CACNA1I: variants seen among roughly 807,000 people sequenced by gnomAD.
CACNA1I encodes calcium voltage-gated channel subunit alpha1 I.
Under a neutral mutation model 201.6 loss-of-function variants are expected in CACNA1I, and 74 were observed. The observed-to-expected ratio is 0.37, with a 90% CI of 0.30 to 0.45. CACNA1I has a LOEUF of 0.45. Ranked by LOEUF, CACNA1I falls within the 20% of genes least tolerant of loss-of-function variation. The pLI, the probability that CACNA1I is intolerant of heterozygous loss-of-function variation, is 1.00. For synonymous variants in CACNA1I, 1,431 were observed against 1,345.2 expected, an observed-to-expected ratio of 1.06 and a Z score of -1.40; for missense variants, 2,346 against 3,138.1, an observed-to-expected ratio of 0.75 and a Z score of 6.03.
At chr22:39,621,775 G>T (rs888911500) in intron 4 of CACNA1I, among the ~76,000 whole-genome samples, 1 of 152,038 alleles carries the variant, frequency 6.6e-6, no homozygotes, top group Admixed American at 6.5e-5. Flanking sequence ...TGTGCGGGAG[G>T]GGGAGGGGGA....
At chr22:39,667,423 T>A (rs1164055330) in intron 23 of CACNA1I, among the ~76,000 whole-genome samples, 1 of 152,120 alleles carries the variant, frequency 6.6e-6, no homozygotes, top group Non-Finnish European at 1.5e-5. Flanking sequence ...TGAGACCACC[T>A]CTGCCCTGGG....
chr22:39,600,351 C>T (rs1932996964), intron 2 of CACNA1I, among the ~76,000 whole-genome samples, 169 bp from the exon 3 acceptor site: 1 of 152,084 alleles, frequency 6.6e-6, no homozygotes, highest in Non-Finnish European at 1.5e-5. Context: ...GAAATGACTG[C>T]ATTGGACTGG....
intron 10 of CACNA1I, among the ~76,000 whole-genome samples, chr22:39,654,903 A>T (rs1934766034): frequency 6.6e-6 from 1 of 152,126 alleles, no homozygotes; most frequent in Non-Finnish European, 1.5e-5. Context: ...AGCTGGTTTT[A>T]TCCTTAGGGC....
intron 3 of CACNA1I, among the ~76,000 whole-genome samples, chr22:39,608,088 C>A (rs1933272343): frequency 6.9e-6 from 1 of 144,486 alleles, no homozygotes; most frequent in African/African-American, 2.6e-5. Flanking sequence ...GCACTCCAGC[C>A]TGGGCAATGA....
chr22:39,600,158 G>C (rs998348854), intron 2 of CACNA1I, among the ~76,000 whole-genome samples: 3 of 152,182 alleles, frequency 2.0e-5, no homozygotes, highest in Admixed American at 6.5e-5. Context: ...AATTAGGAGA[G>C]AGAATGGGGG....
At chr22:39,616,119 C>T (rs925322716) in intron 3 of CACNA1I, among the ~76,000 whole-genome samples, 12 of 152,142 alleles carry the variant, frequency 7.9e-5, no homozygotes, top group African/African-American at 2.4e-4. Flanking sequence ...TCATGTATGG[C>T]GTGAAGGAAA....
intron 1 of CACNA1I, among the ~76,000 whole-genome samples, chr22:39,573,550 C>A (rs543062655): frequency 6.6e-6 from 1 of 152,240 alleles, no homozygotes; most frequent in African/African-American, 2.4e-5. Context: ...AAAAAGGAGA[C>A]GGCAGACGAA....
Position 39,662,096 on chromosome 22 carries a change from C to T in CACNA1I, c.3033C>T (p.Arg1011=), listed in dbSNP as rs534106169. 37 of 1,526,744 alleles carry T rather than the reference C, an allele frequency of 2.4e-5. No homozygotes were observed. Among genetic ancestry groups the T allele is most frequent in the Non-Finnish European group, 3.2e-5 (37 of 1,141,636 alleles). The allele number at this position is 1,526,744 out of a possible 1,614,324, so 94.6% of individuals were successfully genotyped here. A position where few individuals can be genotyped will look rare whatever the true frequency, so the allele number is the denominator to read the frequency against. ...AEHESLLSAE[R]GGGARVCEVA... ...ATGAGTCCCTGCTCTCTGCGGAGCG[C>T]GGCGGCGGCGCCCGGGTCTGCGAGG... The change falls in exon 17 of 37, where the codon CGC becomes CGT. Residue 1011 remains arginine (R), a synonymous_variant. Transcript: ENST00000402142.
At chr22:39,608,773 T>C (rs1933296540) in intron 3 of CACNA1I, among the ~76,000 whole-genome samples, 1 of 151,920 alleles carries the variant, frequency 6.6e-6, no homozygotes, top group Non-Finnish European at 1.5e-5. Flanking sequence ...TGAGCCAAGA[T>C]TGCGCCACTA....
intron 1 of CACNA1I, among the ~76,000 whole-genome samples, chr22:39,576,396 AG>A (rs1332022515): frequency 6.6e-6 from 1 of 152,218 alleles, no homozygotes; most frequent in Non-Finnish European, 1.5e-5. Context: ...ACTTTTATCC[AG>A]GGTTGCACAG....
rs370809510 is a variant in CACNA1I at position 39,611,287 on chromosome 22, G to A, written c.483-8023G>A. Among the ~76,000 whole-genome samples the A allele has an allele frequency of 9.2e-5, 14 of 152,312 alleles. No homozygotes were observed. In the East Asian group the frequency reaches 2.5e-3, roughly 27 times the overall value. On this transcript the variant is annotated intron_variant, in intron 3 of 36. Coordinates refer to ENST00000402142, the MANE Select transcript of CACNA1I (RefSeq NM_021096.4). ...CATTTTGCAGATGAGAAAATGGAGT[G>A]TCAGAGAGATTGGTAGCCTGCCTCA...
intron 10 of CACNA1I, among the ~76,000 whole-genome samples, chr22:39,652,226 C>T (rs1181296360): frequency 2.0e-5 from 3 of 152,158 alleles, no homozygotes; most frequent in Admixed American, 2.0e-4. Context: ...GAACTCCTGA[C>T]CTCAGGTGAT....
chr22:39,589,843 C>A (rs1004464028), intron 1 of CACNA1I, among the ~76,000 whole-genome samples: 1 of 152,172 alleles, frequency 6.6e-6, no homozygotes, highest in Non-Finnish European at 1.5e-5. Flanking sequence ...AGGATGGAGC[C>A]CCCAGCCCCT....
intron 20 of CACNA1I, 24 bp downstream of exon 20, chr22:39,664,183 C>T (rs769978591): frequency 1.5e-5 from 24 of 1,592,516 alleles, no homozygotes; most frequent in Non-Finnish European, 4.3e-6. Context: ...TCACCCGGGA[C>T]CCCTGCTAGC....
At chr22:39,587,307 GA>G (rs1932765171) in intron 1 of CACNA1I, among the ~76,000 whole-genome samples, 1 of 152,236 alleles carries the variant, frequency 6.6e-6, no homozygotes, top group Admixed American at 6.5e-5. Context: ...AATGCACTGA[GA>G]TGGCATAGCT....
At chr22:39,578,721 C>T (rs1454323754) in intron 1 of CACNA1I, among the ~76,000 whole-genome samples, 2 of 152,186 alleles carry the variant, frequency 1.3e-5, no homozygotes, top group African/African-American at 4.8e-5. Context: ...ATTCTTTCCT[C>T]ACTCCCCGTA....
chr22:39,684,255 CT>C lies in CACNA1I; in HGVS notation c.5831-46del, dbSNP rs1935787575. ...AATGCCACCTTCCAGGGGCTGCCCC[CT>C]GGCCTGAGCGTGCTCCCTCAGCTCT... On this transcript the variant is annotated intron_variant, in intron 35 of 36. Coordinates refer to ENST00000402142, the MANE Select transcript of CACNA1I (RefSeq NM_021096.4). This position sits in a 1 kb window ranked among gnomAD's most constrained non-coding sequence, Gnocchi z 4.6. 2.5e-6 allele frequency: 4 copies of C among 1,575,202 alleles called. No homozygotes were observed. Among genetic ancestry groups the C allele is most frequent in the Non-Finnish European group, 3.5e-6 (4 of 1,150,822 alleles).
At chr22:39,622,829 C>T (rs945328016) in intron 4 of CACNA1I, among the ~76,000 whole-genome samples, 1 of 151,944 alleles carries the variant, frequency 6.6e-6, no homozygotes, top group Admixed American at 6.6e-5. Flanking sequence ...AGGGCCACGT[C>T]GCTCCTGGCT....
chr22:39,650,047 G>A (rs896714557), intron 10 of CACNA1I, 122 bp downstream of exon 10: 47 of 1,028,504 alleles, frequency 4.6e-5, no homozygotes, highest in Middle Eastern at 2.6e-4. Context: ...TAGAAGTGCC[G>A]GGCTGAGCTG....
Sources: gnomAD v4.1 joint callset for allele counts (sites outside exome capture counted in the v4.1 genomes callset) on GRCh38, gnomAD v4.1.1 for gene constraint, Gnocchi (gnomAD v3.1) non-coding constraint, MANE v1.5 for transcripts, NCBI Gene and HGNC (gene_info 2026-07-23, HGNC 2026-07-21) for gene names.